The following MICAL2 variants were observed in gnomAD, a reference collection of about 807,000 sequenced individuals.
MICAL2 encodes the protein [F-actin]-monooxygenase MICAL2.
Under a neutral mutation model 127.3 loss-of-function variants are expected in MICAL2, and 77 were observed. The observed-to-expected ratio is 0.60, with a 90% CI of 0.50 to 0.73. The LOEUF (loss-of-function observed/expected upper bound fraction) is 0.73. MICAL2 is among the 30% of genes least tolerant of loss of function. The probability of loss-of-function intolerance (pLI) is 0.00; values close to 1 mark genes in which losing one functional copy is unlikely to be tolerated. For synonymous variants in MICAL2, 570 were observed against 551.1 expected (o/e 1.03, Z -0.48); for missense variants, 1,351 against 1,434.4 (o/e 0.94, Z 0.94).
At chr11:12,129,595 GC>G (rs796995413) in intron 1 of MICAL2, among the ~76,000 whole-genome samples, 13 of 148,912 alleles carry the variant, frequency 8.7e-5, no homozygotes, top group African/African-American at 3.0e-4. Flanking sequence ...GTGGTGACCA[GC>G]CGACCTTTAT....
intron 1 of MICAL2, among the ~76,000 whole-genome samples, chr11:12,136,319 G>A (rs1851831377): frequency 6.6e-6 from 1 of 152,192 alleles, no homozygotes; most frequent in South Asian, 2.1e-4. Context: ...CAGAGCTGCT[G>A]TGGTCTCTGC....
chr11:12,115,769 A>C lies in MICAL2; in HGVS notation c.-149+5043A>C, dbSNP rs527246361. 3.3e-5 allele frequency among the ~76,000 whole-genome samples: 5 copies of C among 152,314 alleles called. No homozygotes were observed. The East Asian group carries it at 9.6e-4, about 29-fold the overall frequency. On this transcript the variant is annotated intron_variant, in intron 1 of 27. Coordinates refer to ENST00000683283, the MANE Select transcript of MICAL2 (RefSeq NM_001282663.2). ...GACAAATATTTTATGTTTATAAAGAAAAATCCAAATATTTATTTTCTTAAA... is the reference window on the plus strand; with the variant it reads ...GACAAATATTTTATGTTTATAAAGACAAATCCAAATATTTATTTTCTTAAA...
At chr11:12,326,768 A>C (rs1309290268) in intron 31 of MICAL2, among the ~76,000 whole-genome samples, 1 of 152,142 alleles carries the variant, frequency 6.6e-6, no homozygotes, top group African/African-American at 2.4e-5. Context: ...AGATTATGCA[A>C]GTACTTTGTT....
intron 1 of MICAL2, among the ~76,000 whole-genome samples, chr11:12,134,367 C>G (rs1401815054): frequency 6.6e-6 from 1 of 152,176 alleles, no homozygotes; most frequent in Non-Finnish European, 1.5e-5. Flanking sequence ...TTCTCTTCTT[C>G]CCCTCTCATA....
chr11:12,269,328 G>A (rs1321335142), intron 24 of MICAL2, among the ~76,000 whole-genome samples: 1 of 152,186 alleles, frequency 6.6e-6, no homozygotes, highest in African/African-American at 2.4e-5. Flanking sequence ...TCCTGGCTGT[G>A]CCCAAAGCTG....
intron 8 of MICAL2, among the ~76,000 whole-genome samples, chr11:12,217,807 G>C (rs1038197781): frequency 1.3e-5 from 2 of 152,070 alleles, no homozygotes; most frequent in Non-Finnish European, 2.9e-5. Context: ...AGGCCCCTGG[G>C]AGCAGCTCCT....
chr11:12,219,515 C>T (rs986872161), intron 8 of MICAL2, among the ~76,000 whole-genome samples: 32 of 109,012 alleles, frequency 2.9e-4, no homozygotes, highest in Admixed American at 5.5e-4. Flanking sequence ...GAGACAAGAG[C>T]GAAACTCCAT....
At chr11:12,140,049 C>A (rs1391648709) in intron 2 of MICAL2, among the ~76,000 whole-genome samples, 2 of 152,184 alleles carry the variant, frequency 1.3e-5, no homozygotes, top group African/African-American at 4.8e-5. Flanking sequence ...CTGGGACTGA[C>A]TGCCAGTTTC....
downstream of MICAL2, among the ~76,000 whole-genome samples, chr11:12,267,088 C>G (rs1863616959): frequency 6.6e-6 from 1 of 152,230 alleles, no homozygotes; most frequent in Non-Finnish European, 1.5e-5. Context: ...GATTCCCCAG[C>G]CTTCTTAAAG....
At chr11:12,190,281 G>T (rs974636290) in intron 3 of MICAL2, among the ~76,000 whole-genome samples, 1 of 152,170 alleles carries the variant, frequency 6.6e-6, no homozygotes, top group African/African-American at 2.4e-5. Context: ...CCTGGGATTT[G>T]TCTCTTGAAG....
intron 3 of MICAL2, among the ~76,000 whole-genome samples, chr11:12,184,478 G>A (rs1857907357): frequency 6.6e-6 from 1 of 152,200 alleles, no homozygotes; most frequent in African/African-American, 2.4e-5. Flanking sequence ...CAGCCCGGGA[G>A]AGGTAAACTA....
Position 12,222,600 on chromosome 11 carries a change from G to T in MICAL2, c.1323-17G>T, listed in dbSNP as rs761585254. On this transcript the variant is annotated splice_polypyrimidine_tract_variant and intron_variant, in intron 10 of 27. Transcript: ENST00000683283. ...GGCAAAAGTGATCCCTGACCTCCAGGCTCCGCCTCCCTCCAGGGAAAGTCT... is the reference window on the plus strand; with the variant it reads ...GGCAAAAGTGATCCCTGACCTCCAGTCTCCGCCTCCCTCCAGGGAAAGTCT... The T allele has an allele frequency of 6.2e-7, 1 of 1,614,142 alleles. No individual in the cohort carries two copies. Among genetic ancestry groups the T allele is most frequent in the African/African-American group, 1.3e-5 (1 of 75,056 alleles).
At chr11:12,208,195 C>A in intron 5 of MICAL2, 56 bp downstream of exon 5, 2 of 1,349,982 alleles carry the variant, frequency 1.5e-6, no homozygotes, top group Non-Finnish European at 1.1e-6. Flanking sequence ...AATAGAAATT[C>A]CACTTGCTGC....
intron 2 of MICAL2, among the ~76,000 whole-genome samples, chr11:12,143,378 G>A (rs1852541587): frequency 6.6e-6 from 1 of 152,132 alleles, no homozygotes; most frequent in Non-Finnish European, 1.5e-5. Flanking sequence ...GACTGTCAAG[G>A]GCTTTGCAAA....
rs796748173 is a variant in MICAL2 at position 12,345,116 on chromosome 11, C to CAAAAAAAAAAAA, written c.5516-4711_5516-4710insAAAAAAAAAAAA. On this transcript the variant is annotated intron_variant, in intron 32 of 34. Coordinates refer to the MICAL2 transcript ENST00000646065. ...GACAGAGCGAGACGAGAATCCATCT[C>CAAAAAAAAAAAA]AAAAAAAAAAAGAAAAAAGAAAGAA... Among the ~76,000 whole-genome samples, 636 of 110,186 alleles carry CAAAAAAAAAAAA rather than the reference C, an allele frequency of 5.8e-3. 5 individuals are homozygous for CAAAAAAAAAAAA. The highest frequency in any genetic ancestry group is 0.021 in the African/African-American group (600 of 28,608). 72.3% of individuals were successfully genotyped at this position (110,186 alleles called of 152,430 possible).
chr11:12,361,650 T>C (rs561126635), downstream of MICAL2, among the ~76,000 whole-genome samples: 25 of 152,362 alleles, frequency 1.6e-4, no homozygotes, highest in African/African-American at 4.8e-4. Context: ...ACCATGTTAA[T>C]TGCAACCGAG....
At chr11:12,202,439 G>T (rs370447034) in intron 3 of MICAL2, among the ~76,000 whole-genome samples, 1 of 152,176 alleles carries the variant, frequency 6.6e-6, no homozygotes, top group African/African-American at 2.4e-5. Flanking sequence ...TGTGAAAGGG[G>T]CACCATAATA....
intron 3 of MICAL2, among the ~76,000 whole-genome samples, chr11:12,181,977 A>G (rs1413548756): frequency 6.6e-6 from 1 of 152,212 alleles, no homozygotes; most frequent in Non-Finnish European, 1.5e-5. Flanking sequence ...AGTGCCTGTG[A>G]CTTCATCACT....
chr11:12,235,870 G>A (rs1041061867), intron 15 of MICAL2, among the ~76,000 whole-genome samples: 8 of 152,310 alleles, frequency 5.3e-5, no homozygotes, highest in South Asian at 4.1e-4. Context: ...CTATGTCACC[G>A]GGATTCTTTT....
Sources: allele counts gnomAD v4.1 joint callset (sites outside exome capture counted in the v4.1 genomes callset), GRCh38; gene constraint gnomAD v4.1.1; transcripts MANE v1.5; gene names NCBI Gene and HGNC (gene_info 2026-07-23, HGNC 2026-07-21).